The following FGF22 variants were observed in gnomAD, a reference collection of about 807,000 sequenced individuals.
The protein encoded by FGF22 is fibroblast growth factor 22.
Under a neutral mutation model 10.3 loss-of-function variants are expected in FGF22, and 11 were observed. The observed-to-expected ratio is 1.07, with a 90% CI of 0.67 to 1.77. The LOEUF (loss-of-function observed/expected upper bound fraction) is 1.77, where lower values mean the gene tolerates loss of function less well. Ranked by LOEUF, FGF22 falls within the 40% of genes most tolerant of loss-of-function variation. The pLI is 0.00. For synonymous variants in FGF22, 136 were observed against 122.1 expected (o/e 1.11, Z -0.75); for missense variants, 317 against 273.2 (o/e 1.16, Z -1.13).
intron 1 of FGF22, 114 bp from the exon 2 acceptor site, chr19:643,121 C>CAG (rs369742833): frequency 1.5e-5 from 4 of 261,214 alleles, no homozygotes; most frequent in African/African-American, 9.4e-5. Flanking sequence ...ACTCGTGGTC[C>CAG]CGGGGGTCTC....
chr19:643,747 A>AG (rs1227353227), exon 3 of FGF22: 5 of 713,620 alleles, frequency 7.0e-6, no homozygotes, highest in Middle Eastern at 4.0e-4. Flanking sequence ...GGAGCCCTCC[A>AG]GGGGGGTCCC....
chr19:643,632 G>A (rs1269647248), exon 3 of FGF22: 2 of 1,483,788 alleles, frequency 1.3e-6, no homozygotes, highest in Non-Finnish European at 1.8e-6. Context: ...GGCTCCCCAA[G>A]GTGCCTGGGC....
intron 1 of FGF22, chr19:641,728 C>T (rs1985909397): frequency 1.2e-5 from 2 of 166,382 alleles, no homozygotes; most frequent in African/African-American, 2.4e-5. Flanking sequence ...ACAGACGCCC[C>T]AGAACAACCA....
chr19:640,828 C>G, intron 1 of FGF22: 1 of 223,638 alleles, frequency 4.5e-6, no homozygotes, highest in South Asian at 5.5e-5. Context: ...GGAAGGGGGC[C>G]CGGGCCCGCT....
At chr19:641,582 A>T in intron 1 of FGF22, 1 of 235,650 alleles carries the variant, frequency 4.2e-6, no homozygotes, top group East Asian at 1.1e-4. Flanking sequence ...CTCAAAAAAA[A>T]AAAAAAAAAA....
intron 1 of FGF22, among the ~76,000 whole-genome samples, chr19:642,790 C>G (rs1985946769): frequency 6.6e-6 from 1 of 151,906 alleles, no homozygotes; most frequent in Non-Finnish European, 1.5e-5. Context: ...CCTGCCCCTT[C>G]TGACTCCCAC....
intron 1 of FGF22, among the ~76,000 whole-genome samples, chr19:642,563 C>CAT (rs1568184286): frequency 2.0e-5 from 1 of 50,020 alleles, no homozygotes; most frequent in Admixed American, 2.4e-4. Flanking sequence ...CTGGGGGGTC[C>CAT]CTGGGGTGGT....
chr19:643,591 T>C, exon 3 of FGF22: 1 of 1,542,314 alleles, frequency 6.5e-7, no homozygotes, highest in Non-Finnish European at 8.7e-7. Flanking sequence ...TTCCTGCCCG[T>C]CCTGGTCTCC....
intron 1 of FGF22, among the ~76,000 whole-genome samples, chr19:641,868 A>G (rs1313288148): frequency 6.6e-6 from 1 of 152,144 alleles, no homozygotes; most frequent in East Asian, 1.9e-4. Context: ...GCAGACACCC[A>G]GGCCGGGGTG....
In FGF22 at chr19:643,318, CG is replaced by C. The variant is rs998807955; in HGVS notation, c.302del (p.Gly101AlafsTer124). On this transcript the variant is annotated frameshift_variant, in exon 2 of 3. Coordinates refer to ENST00000215530, the Ensembl canonical transcript of FGF22. LOFTEE classifies it low-confidence loss of function (END_TRUNC). ...AGGCTTCTACGTGGCCATGAACCGCCGGGGCCGCCTCTACGGGTCGGTGAGT... is the reference window on the plus strand; with the variant it reads ...AGGCTTCTACGTGGCCATGAACCGCCGGGCCGCCTCTACGGGTCGGTGAGT... The C allele has an allele frequency of 4.8e-6, 7 of 1,469,832 alleles. No homozygotes were observed. Among genetic ancestry groups the C allele is most frequent in the Non-Finnish European group, 6.4e-6 (7 of 1,091,294 alleles). The allele number at this position is 1,469,832 out of a possible 1,614,324, so 91.0% of individuals were successfully genotyped here. A position where few individuals can be genotyped will look rare whatever the true frequency, so the allele number is the denominator to read the frequency against.
chr19:643,339 G>A lies in FGF22; in HGVS notation c.318+1G>A, dbSNP rs774826143. The stretch of plus-strand genomic sequence containing the variant: ...CCGCCGGGGCCGCCTCTACGGGTCG[G>A]TGAGTGCCGGGCAGGGCTGGGCGGC... On this transcript the variant is annotated splice_donor_variant, in intron 2 of 2. Coordinates refer to ENST00000215530, the Ensembl canonical transcript of FGF22. LOFTEE classifies it high-confidence loss of function. 1.9e-6 allele frequency: 3 copies of A among 1,607,532 alleles called. No homozygotes were observed. The East Asian group carries it at 6.7e-5, about 36-fold the overall frequency.
chr19:643,229 C>T lies in FGF22; in HGVS notation c.215-6C>T, dbSNP rs768577103. 5.7e-6 allele frequency: 9 copies of T among 1,585,106 alleles called. No homozygotes were observed. The highest frequency in any genetic ancestry group is 7.7e-6 in the Non-Finnish European group (9 of 1,166,950). ...CAAGGCCCTCCCCGACCCCCGCCTC[C>T]CCCAGGCATCCTGGAGATCCGCTCT... is the stretch of plus-strand genomic sequence containing the variant. On this transcript the variant is annotated splice_polypyrimidine_tract_variant and splice_region_variant and intron_variant, in intron 1 of 2. Coordinates refer to ENST00000215530, the Ensembl canonical transcript of FGF22.
At chr19:641,293 T>C (rs764153802) in intron 1 of FGF22, 32 of 451,708 alleles carry the variant, frequency 7.1e-5, no homozygotes, top group East Asian at 3.5e-4. Context: ...CAGTGAACGG[T>C]TGGCCGGGTG....
At chr19:643,752 G>T (rs1465814607) in exon 3 of FGF22, 2 of 693,116 alleles carry the variant, frequency 2.9e-6, no homozygotes, top group South Asian at 2.0e-5. Flanking sequence ...CCTCCAGGGG[G>T]GTCCCAGCCT....
In FGF22 at chr19:641,935, T is replaced by C. The variant is rs2144743095; in HGVS notation, c.215-1300T>C. On this transcript the variant is annotated intron_variant, in intron 1 of 2. Coordinates refer to ENST00000215530, the Ensembl canonical transcript of FGF22. ...CCAGGGTCCTTGCTGGACAAGACACTTCAGCTCAGGGTGGGGCAGGGCTCA... is the reference window on the plus strand; with the variant it reads ...CCAGGGTCCTTGCTGGACAAGACACCTCAGCTCAGGGTGGGGCAGGGCTCA... Among the ~76,000 whole-genome samples, 3 of 152,186 alleles carry C rather than the reference T, an allele frequency of 2.0e-5. No individual in the cohort carries two copies. The Middle Eastern group carries it at 0.01, about 518-fold the overall frequency.
At chr19:639,934 C>T (rs1446129340) in exon 1 of FGF22, 3 of 1,226,388 alleles carry the variant, frequency 2.4e-6, no homozygotes, top group African/African-American at 1.6e-5. Flanking sequence ...TCATGCGCCG[C>T]CGCCTGTGGC....
chr19:640,127 CA>C lies in FGF22; in HGVS notation c.203del (p.His68ProfsTer30). 7.3e-7 allele frequency: 1 copy of C among 1,363,274 alleles called. No individual in the cohort carries two copies. Among genetic ancestry groups the C allele is most frequent in the Non-Finnish European group, 9.4e-7 (1 of 1,059,878 alleles). 84.4% of individuals were successfully genotyped at this position (1,363,274 alleles called of 1,614,324 possible). A position where few individuals can be genotyped will look rare whatever the true frequency, so the allele number is the denominator to read the frequency against. On this transcript the variant is annotated frameshift_variant, in exon 1 of 3. Transcript: ENST00000215530. LOFTEE classifies it high-confidence loss of function. ...CCGCGTGCAGGGCACCCGCTGGCGC[CA>C]CGGCCAGGACAGTGAGTGCGGGGCG... is the stretch of plus-strand genomic sequence containing the variant.
At position 641,531 on chromosome 19, in the gene FGF22, C is replaced by T. The variant is rs532551586; in HGVS notation, c.214+1392C>T. On this transcript the variant is annotated intron_variant, in intron 1 of 2. Transcript: ENST00000215530. ...TGGAGCTTGCAGTGAGCTGAGATCG[C>T]GCCACTGCCCTCCACCCTGGGCGAC... 1.2e-3 allele frequency: 285 copies of T among 241,720 alleles called. 2 individuals are homozygous for T. Among genetic ancestry groups the T allele is most frequent in the Middle Eastern group, 7.0e-3 (4 of 574 alleles). 15.0% of individuals were successfully genotyped at this position (241,720 alleles called of 1,614,324 possible). A position where few individuals can be genotyped will look rare whatever the true frequency, so the allele number is the denominator to read the frequency against.
At chr19:643,716 G>C (rs894974220) in exon 3 of FGF22, 1 of 949,240 alleles carries the variant, frequency 1.1e-6, no homozygotes, top group Non-Finnish European at 1.5e-6. Context: ...CACCGTGTGC[G>C]GGCGCTGTGG....
Sources: gnomAD v4.1 joint callset for allele counts (sites outside exome capture counted in the v4.1 genomes callset) on GRCh38, gnomAD v4.1.1 for gene constraint, MANE v1.5 for transcripts, NCBI Gene and HGNC (gene_info 2026-07-23, HGNC 2026-07-21) for gene names.